The following HOGA1 variants were observed in gnomAD, a reference collection of about 807,000 sequenced individuals.
The protein encoded by HOGA1 is 4-hydroxy-2-oxoglutarate aldolase 1.
Under a neutral mutation model 34.3 loss-of-function variants are expected in HOGA1, and 30 were observed. The observed-to-expected ratio is 0.87, with a 90% confidence interval of 0.65 to 1.19. The LOEUF (loss-of-function observed/expected upper bound fraction) is 1.19, where lower values mean the gene tolerates loss of function less well. Among genes scored for constraint, HOGA1 ranks in the 50% most tolerant of loss-of-function variants. HOGA1 has a pLI of 0.00. For synonymous variants in HOGA1, 161 were observed against 174.0 expected (o/e 0.93, Z 0.59); for missense variants, 417 against 436.5 (o/e 0.96, Z 0.40).
At position 97,603,958 on chromosome 10, in the gene HOGA1, A is replaced by T. The variant is rs1188964298; in HGVS notation, c.834+1968A>T. On this transcript the variant is annotated intron_variant, in intron 6 of 6. Coordinates refer to ENST00000370646, the MANE Select transcript of HOGA1 (RefSeq NM_138413.4). This position sits in a 1 kb window ranked among gnomAD's most constrained non-coding sequence, Gnocchi z 4.5. ...CATGAGCCAGTTTTCCCCAATGGCA[A>T]CATCTTACAAAACTGTAGAATAATT... is the stretch of plus-strand genomic sequence containing the variant. 6.6e-6 allele frequency among the ~76,000 whole-genome samples: 1 copy of T among 152,254 alleles called. No individual in the cohort carries two copies. Among genetic ancestry groups the T allele is most frequent in the Non-Finnish European group, 1.5e-5 (1 of 68,044 alleles).
intron 1 of HOGA1, chr10:97,590,619 C>A: frequency 6.4e-7 from 1 of 1,566,398 alleles, no homozygotes; most frequent in Non-Finnish European, 8.7e-7. Flanking sequence ...ACGCCCCTGC[C>A]CCCAGCAAGG....
In HOGA1 at chr10:97,599,828, G is replaced by C; in HGVS notation, c.603+14G>C. 1 of 1,614,188 alleles carries C rather than the reference G, an allele frequency of 6.2e-7. No individual in the cohort carries two copies. The highest frequency in any genetic ancestry group is 8.5e-7 in the Non-Finnish European group (1 of 1,180,038). The stretch of plus-strand genomic sequence containing the variant: ...AGCGGTGGTGATGTGAGTGGCAGCA[G>C]CTCCGGGGCTGGGGTCCTCTCCTCC... On this transcript the variant is annotated intron_variant, in intron 4 of 6. Transcript: ENST00000370646.
chr10:97,597,696 C>A (rs2041081911), intron 1 of HOGA1, among the ~76,000 whole-genome samples: 1 of 152,166 alleles, frequency 6.6e-6, no homozygotes, highest in Non-Finnish European at 1.5e-5. Flanking sequence ...GGGCTCATGA[C>A]TGTAATCCCA....
intron 1 of HOGA1, chr10:97,590,121 T>A (rs750026258): frequency 1.2e-6 from 2 of 1,614,102 alleles, no homozygotes; most frequent in Admixed American, 3.3e-5. Flanking sequence ...ACGGTTCACA[T>A]AGAGACCTTC....
chr10:97,604,620 C>G (rs1200582053), intron 6 of HOGA1, among the ~76,000 whole-genome samples: 1 of 152,018 alleles, frequency 6.6e-6, no homozygotes, highest in Non-Finnish European at 1.5e-5. Context: ...CACGGCTGGC[C>G]CCCCACAGTA....
intron 1 of HOGA1, 58 bp downstream of exon 1, chr10:97,584,972 G>T: frequency 7.0e-7 from 1 of 1,437,212 alleles, no homozygotes; most frequent in South Asian, 1.2e-5. Flanking sequence ...TTTAGCCAGA[G>T]ACCAAGGGAG....
chr10:97,605,649 G>A (rs4919117), intron 6 of HOGA1, among the ~76,000 whole-genome samples: 63,527 of 151,944 alleles, frequency 0.42, 16,470 homozygotes, highest in Non-Finnish European at 0.59. Context: ...AATTAAAACC[G>A]TCTCATTGTG....
At chr10:97,593,732 T>C (rs1225384353) in intron 1 of HOGA1, among the ~76,000 whole-genome samples, 1 of 152,164 alleles carries the variant, frequency 6.6e-6, no homozygotes, top group Admixed American at 6.5e-5. Context: ...AGGCAAGCAC[T>C]GGGCAAGGAA....
Position 97,598,780 on chromosome 10 carries a change from G to C in HOGA1, c.217G>C (p.Val73Leu), listed in dbSNP as rs547692696. The C allele has an allele frequency of 6.2e-7, 1 of 1,614,200 alleles. No homozygotes were observed. Among genetic ancestry groups the C allele is most frequent in the African/African-American group, 1.3e-5 (1 of 75,038 alleles). ...GTCAGCTGTGTCTCTTGCAGGCTTC[G>C]TGGTCCAGGGCTCCAATGGCGAGTT... is the stretch of plus-strand genomic sequence containing the variant. The part of the protein sequence containing the change: ...KLGTFPFRGF[V>L]VQGSNGEFPF... Residue 73 changes from valine to leucine, a missense_variant, in exon 2 of 7, where the codon GTG (valine) becomes CTG (leucine). By Grantham distance (32) the Val-to-Leu change is conservative. Coordinates refer to ENST00000370646, the MANE Select transcript of HOGA1 (RefSeq NM_138413.4).
Position 97,611,605 on chromosome 10 carries a change from C to T in HOGA1, c.930C>T (p.Ser310=), listed in dbSNP as rs746903117. 1 of 1,614,064 alleles carries T rather than the reference C, an allele frequency of 6.2e-7. No individual in the cohort carries two copies. Among genetic ancestry groups the T allele is most frequent in the Admixed American group, 1.7e-5 (1 of 60,014 alleles). Residue 310 remains serine, a synonymous_variant, in exon 7 of 7, where the codon AGC becomes AGT. Coordinates refer to ENST00000370646, the MANE Select transcript of HOGA1 (RefSeq NM_138413.4). ...GCCGCGCCCCCTTGCAGGAGCTGAG[C>T]CCCGCTGAGGAGGAGGCACTGCGCA... The part of the protein sequence containing the change: ...GPCRAPLQEL[S]PAEEEALRMD...
intron 3 of HOGA1, 36 bp from the exon 4 acceptor site, chr10:97,599,644 G>T (rs2041100256): frequency 2.5e-6 from 4 of 1,612,686 alleles, no homozygotes; most frequent in Non-Finnish European, 3.4e-6. Flanking sequence ...TGGGGCGGCT[G>T]CCCTCTCCTG....
At chr10:97,608,561 T>C (rs1010596599) in intron 6 of HOGA1, among the ~76,000 whole-genome samples, 25 of 152,146 alleles carry the variant, frequency 1.6e-4, no homozygotes, top group African/African-American at 4.8e-4. Flanking sequence ...TCCCAGCACT[T>C]TGGGAGGCCG....
chr10:97,588,161 AT>A (rs1313047192), intron 1 of HOGA1, among the ~76,000 whole-genome samples: 2 of 146,086 alleles, frequency 1.4e-5, no homozygotes, highest in Non-Finnish European at 3.0e-5. Context: ...ATTTGTACTG[AT>A]TATTTGAATA....
intron 6 of HOGA1, among the ~76,000 whole-genome samples, chr10:97,606,804 C>T (rs1229085621): frequency 6.6e-6 from 1 of 152,286 alleles, no homozygotes; most frequent in South Asian, 2.1e-4. Flanking sequence ...GGCCTTTGAT[C>T]GAAATTGCGT....
chr10:97,610,220 G>A (rs1471042333), intron 6 of HOGA1, among the ~76,000 whole-genome samples: 1 of 151,954 alleles, frequency 6.6e-6, no homozygotes, highest in Non-Finnish European at 1.5e-5. Flanking sequence ...GTAATCCCAG[G>A]ACTTTGGGAG....
At chr10:97,587,449 A>G (rs1483994280) in intron 1 of HOGA1, among the ~76,000 whole-genome samples, 4 of 152,282 alleles carry the variant, frequency 2.6e-5, no homozygotes, top group South Asian at 2.1e-4. Flanking sequence ...GGAGGTGGAA[A>G]GCTGCCCTGG....
At chr10:97,590,635 T>C in intron 1 of HOGA1, 1 of 1,504,190 alleles carries the variant, frequency 6.6e-7, no homozygotes, top group Non-Finnish European at 9.1e-7. Context: ...CAAGGCTGGC[T>C]CACACACACG....
At chr10:97,587,674 A>T (rs2040980961) in intron 1 of HOGA1, among the ~76,000 whole-genome samples, 1 of 151,780 alleles carries the variant, frequency 6.6e-6, no homozygotes, top group African/African-American at 2.4e-5. Context: ...CGCCTGGCTA[A>T]TTTTTGTATT....
chr10:97,598,256 G>A (rs980442045), intron 1 of HOGA1, among the ~76,000 whole-genome samples: 3 of 152,194 alleles, frequency 2.0e-5, no homozygotes, highest in African/African-American at 7.2e-5. Flanking sequence ...CTAAAGTGCT[G>A]AAATTATAGG....
Sources: allele counts gnomAD v4.1 joint callset (sites outside exome capture counted in the v4.1 genomes callset), GRCh38; gene constraint gnomAD v4.1.1; non-coding constraint Gnocchi (gnomAD v3.1); transcripts MANE v1.5; gene names NCBI Gene and HGNC (gene_info 2026-07-23, HGNC 2026-07-21).